Variants in MAPK10 observed in about 807,000 individuals in gnomAD.
The protein encoded by MAPK10 is mitogen-activated protein kinase 10.
Under a neutral mutation model 59.3 loss-of-function variants are expected in MAPK10, and 25 were observed. The ratio of observed to expected loss-of-function variants is 0.42; its 90% CI spans 0.31 to 0.59. The LOEUF is 0.59. Among genes scored for constraint, MAPK10 ranks in the 20% least tolerant of loss-of-function variants. MAPK10 has a pLI of 0.15. For missense variants in MAPK10, 351 were observed against 568.9 expected, an observed-to-expected ratio of 0.62 and a Z score of 3.90; for synonymous variants, 190 against 200.5, an observed-to-expected ratio of 0.95 and a Z score of 0.44.
At chr4:86,550,170 A>G (rs1385133447) in intron 1 of MAPK10, among the ~76,000 whole-genome samples, 1 of 151,496 alleles carries the variant, frequency 6.6e-6, no homozygotes. Context: ...CAGGACATGG[A>G]AGCACATACA....
chr4:86,289,136 T>G (rs1313836658), intron 2 of MAPK10, among the ~76,000 whole-genome samples: 1 of 152,096 alleles, frequency 6.6e-6, no homozygotes, highest in African/African-American at 2.4e-5. Flanking sequence ...GAGACATGGA[T>G]AAAGTGAAGG....
At chr4:86,465,107 T>C (rs764479226) in intron 1 of MAPK10, among the ~76,000 whole-genome samples, 1 of 152,230 alleles carries the variant, frequency 6.6e-6, no homozygotes, top group Non-Finnish European at 1.5e-5. Flanking sequence ...GATTGGAACC[T>C]AACTCTCTTT....
intron 4 of MAPK10, among the ~76,000 whole-genome samples, chr4:86,131,365 T>A (rs971023079): frequency 1.3e-5 from 2 of 152,206 alleles, no homozygotes; most frequent in African/African-American, 4.8e-5. Flanking sequence ...GAATTATTAC[T>A]GCAGAATGTG....
At chr4:86,021,426 T>G (rs1190338335) in intron 13 of MAPK10, among the ~76,000 whole-genome samples, 1 of 152,122 alleles carries the variant, frequency 6.6e-6, no homozygotes, top group Admixed American at 6.5e-5. Flanking sequence ...GAGTGTCGAT[T>G]GGTGCACTCA....
At chr4:86,376,912 T>C (rs1423136857) in intron 1 of MAPK10, among the ~76,000 whole-genome samples, 2 of 152,202 alleles carry the variant, frequency 1.3e-5, no homozygotes, top group Non-Finnish European at 2.9e-5. Flanking sequence ...GAAAAACCTC[T>C]GTGGGGAAGT....
At chr4:86,323,089 T>C (rs1331919423) in intron 2 of MAPK10, among the ~76,000 whole-genome samples, 8 of 152,126 alleles carry the variant, frequency 5.3e-5, no homozygotes, top group African/African-American at 1.7e-4. Context: ...CAGGAGAATC[T>C]CTTGAACCTG....
intron 4 of MAPK10, among the ~76,000 whole-genome samples, chr4:86,122,798 A>G (rs1007147646): frequency 6.6e-6 from 1 of 152,058 alleles, no homozygotes; most frequent in Non-Finnish European, 1.5e-5. Context: ...CTTCATCTTC[A>G]ACATTGCTTC....
At chr4:86,140,731 A>G in intron 4 of MAPK10, among the ~76,000 whole-genome samples, 1 of 152,168 alleles carries the variant, frequency 6.6e-6, no homozygotes, top group Admixed American at 6.5e-5. Context: ...TCTGATTTCA[A>G]CCAGCTACAA....
intron 1 of MAPK10, among the ~76,000 whole-genome samples, chr4:86,507,804 G>C (rs1755915617): frequency 6.7e-6 from 1 of 150,188 alleles, no homozygotes; most frequent in Non-Finnish European, 1.5e-5. Context: ...AAAAGACAGA[G>C]CCTCAGAAGG....
chr4:86,451,923 T>C (rs934582256), intron 1 of MAPK10, among the ~76,000 whole-genome samples: 1 of 152,018 alleles, frequency 6.6e-6, no homozygotes, highest in Admixed American at 6.6e-5. Context: ...TGCACAAAGA[T>C]GGAAGAGAAA....
chr4:86,067,496 C>T (rs1040516722), intron 10 of MAPK10, among the ~76,000 whole-genome samples: 2 of 152,020 alleles, frequency 1.3e-5, no homozygotes, highest in South Asian at 2.1e-4. Flanking sequence ...TTTGTAGGAA[C>T]GATCTTTGAA....
At chr4:86,491,632 C>T (rs1579385104) in intron 1 of MAPK10, among the ~76,000 whole-genome samples, 2 of 152,304 alleles carry the variant, frequency 1.3e-5, no homozygotes, top group East Asian at 3.9e-4. Context: ...AAGAAAGACT[C>T]TAAATCGAAG....
At chr4:86,208,533 T>A (rs1039651746) in intron 2 of MAPK10, among the ~76,000 whole-genome samples, 4 of 151,388 alleles carry the variant, frequency 2.6e-5, no homozygotes, top group Non-Finnish European at 5.9e-5. Context: ...TTGACAAAAT[T>A]CAACAACACT....
At chr4:86,298,597 ACTGT>A (rs1444333491) in intron 2 of MAPK10, among the ~76,000 whole-genome samples, 6 of 152,178 alleles carry the variant, frequency 3.9e-5, no homozygotes, top group Non-Finnish European at 8.8e-5. Flanking sequence ...GAAGGCAGAG[ACTGT>A]CTCTCACAGC....
intron 4 of MAPK10, among the ~76,000 whole-genome samples, chr4:86,132,729 C>T (rs971324366): frequency 6.6e-6 from 1 of 152,124 alleles, no homozygotes; most frequent in African/African-American, 2.4e-5. Context: ...TAGGAGCGTG[C>T]ACCCTATTGT....
chr4:86,064,269 C>A lies in MAPK10; in HGVS notation c.1107G>T (p.Glu369Asp), dbSNP rs2046296382. Residue 369 changes from glutamate (E) to aspartate (D), a missense_variant, in exon 11 of 14, where the codon GAG (glutamate) becomes GAT (aspartate). Transcript: ENST00000641462. ...INVWYDPAEV[E>D]APPPQIYDKQ... ...GTAAAGGCAGCCTATTTCTTACCGC[C>A]TCCACTTCGGCTGGGTCATACCAGA... 1 of 1,613,998 alleles carries A rather than the reference C, an allele frequency of 6.2e-7. No individual in the cohort carries two copies. The highest frequency in any genetic ancestry group is 1.1e-5 in the South Asian group (1 of 91,014).
intron 11 of MAPK10, among the ~76,000 whole-genome samples, chr4:86,039,550 C>G (rs1331818807): frequency 1.3e-5 from 2 of 152,296 alleles, no homozygotes; most frequent in South Asian, 4.1e-4. Context: ...AAGGTCTATA[C>G]AGCAGACTTG....
intron 1 of MAPK10, among the ~76,000 whole-genome samples, chr4:86,580,202 C>T (rs1411153356): frequency 6.6e-6 from 1 of 151,980 alleles, no homozygotes; most frequent in African/African-American, 2.4e-5. Context: ...ACTAAATACC[C>T]TTTGTATAAA....
intron 4 of MAPK10, chr4:86,107,635 A>G: frequency 1.9e-6 from 2 of 1,047,902 alleles, no homozygotes; most frequent in Non-Finnish European, 2.3e-6. Context: ...AGATCTTGCC[A>G]AGAATATAGC....
Sources: gnomAD v4.1 joint callset for allele counts (sites outside exome capture counted in the v4.1 genomes callset) on GRCh38, gnomAD v4.1.1 for gene constraint, MANE v1.5 for transcripts, NCBI Gene and HGNC (gene_info 2026-07-23, HGNC 2026-07-21) for gene names.